Variants in AMZ1 observed in about 807,000 individuals in gnomAD.
AMZ1 encodes the protein archaelysin family metallopeptidase 1, also known as archaemetzincin-1.
AMZ1 carries 39 observed loss-of-function variants against 29.9 expected under a neutral mutation model. The observed-to-expected ratio is 1.30, with a 90% CI of 1.01 to 1.70. The LOEUF (loss-of-function observed/expected upper bound fraction) is 1.70, where lower values mean the gene tolerates loss of function less well. Among genes scored for constraint, AMZ1 ranks in the 40% most tolerant of loss-of-function variants. The pLI is 0.00. For missense variants in AMZ1, 1,041 were observed against 680.6 expected, an observed-to-expected ratio of 1.53 and a Z score of -5.89; for synonymous variants, 458 against 304.0, an observed-to-expected ratio of 1.51 and a Z score of -5.27.
chr7:2,700,021 C>G (rs1156409922), intron 1 of AMZ1, among the ~76,000 whole-genome samples: 1 of 149,496 alleles, frequency 6.7e-6, no homozygotes, highest in Non-Finnish European at 1.5e-5. Context: ...CCCATGGGAC[C>G]CAACCTGCTA....
intron 5 of AMZ1, 54 bp downstream of exon 5, chr7:2,709,298 C>T (rs931153834): frequency 2.1e-6 from 3 of 1,448,022 alleles, no homozygotes; most frequent in Non-Finnish European, 2.7e-6. Context: ...CTGTCTGAGC[C>T]CTTGGTGCCT....
chr7:2,731,860 C>G lies in AMZ1; in HGVS notation n.550+22044C>G. 1 of 585,082 alleles carries G rather than the reference C, an allele frequency of 1.7e-6. No individual in the cohort carries two copies. Among genetic ancestry groups the G allele is most frequent in the South Asian group, 3.3e-5 (1 of 29,988 alleles). The allele number at this position is 585,082 out of a possible 1,614,324, so 36.2% of individuals were successfully genotyped here. A position where few individuals can be genotyped will look rare whatever the true frequency, so the allele number is the denominator to read the frequency against. ...GAAGGAAAGAGACTGACTTTTGCAA[C>G]AGGTTGAACCAGAAACCAAAAGCAA... On this transcript the variant is annotated intron_variant and non_coding_transcript_variant, in intron 4 of 4. Coordinates refer to the AMZ1 transcript ENST00000489665. This position sits in a 1 kb window ranked among gnomAD's most constrained non-coding sequence, Gnocchi z 6.0.
At chr7:2,739,417 G>T (rs574566297) in intron 4 of AMZ1, among the ~76,000 whole-genome samples, 1 of 152,122 alleles carries the variant, frequency 6.6e-6, no homozygotes, top group African/African-American at 2.4e-5. Context: ...TACTTGGTGC[G>T]GCATTTCCGA....
At chr7:2,743,084 G>A (rs1356107953) in intron 4 of AMZ1, among the ~76,000 whole-genome samples, 2 of 152,220 alleles carry the variant, frequency 1.3e-5, no homozygotes, top group Non-Finnish European at 2.9e-5. Context: ...CTGCCAAGGG[G>A]TAAGGTGGGA....
chr7:2,724,366 T>C (rs1370985217), downstream of AMZ1, among the ~76,000 whole-genome samples: 2 of 152,218 alleles, frequency 1.3e-5, no homozygotes, highest in Admixed American at 1.3e-4. Context: ...GGGGTTACGT[T>C]CATTTGGGTG....
At chr7:2,709,275 G>T in intron 5 of AMZ1, 31 bp downstream of exon 5, 1 of 1,479,412 alleles carries the variant, frequency 6.8e-7, no homozygotes. Flanking sequence ...TGGTAAGAGG[G>T]GACAGGAGGG....
rs865785698 is a variant in AMZ1, at chr7:2,758,504, G to A, written n.551-6208G>A. On this transcript the variant is annotated intron_variant and non_coding_transcript_variant, in intron 4 of 4. Coordinates refer to the AMZ1 transcript ENST00000489665. ...TGCAATTTCTTCCCCTGCAGCGTGG[G>A]AGGAAGCTGGAGTGTGATGGAACGT... Among the ~76,000 whole-genome samples, 3 of 152,152 alleles carry A rather than the reference G, an allele frequency of 2.0e-5. 1 individual carries two copies. In the South Asian group the frequency reaches 6.2e-4, roughly 32 times the overall value.
downstream of AMZ1, among the ~76,000 whole-genome samples, chr7:2,724,099 G>GA (rs1491225367): frequency 4.6e-5 from 7 of 151,278 alleles, no homozygotes; most frequent in Non-Finnish European, 1.0e-4. Flanking sequence ...TAGAGATGGG[G>GA]AGTGGGGGGG....
chr7:2,723,063 A>G (rs2115248997), downstream of AMZ1, among the ~76,000 whole-genome samples: 1 of 152,356 alleles, frequency 6.6e-6, no homozygotes, highest in East Asian at 1.9e-4. Context: ...TCTGAAATGC[A>G]TTTGCATGGC....
At chr7:2,723,113 CTT>C (rs921442970), downstream of AMZ1, among the ~76,000 whole-genome samples, 1 of 151,170 alleles carries the variant, frequency 6.6e-6, no homozygotes, top group African/African-American at 2.4e-5. Context: ...TTATATGTGA[CTT>C]GAGTACATTT....
chr7:2,746,321 G>A (rs1001533692), intron 4 of AMZ1, among the ~76,000 whole-genome samples: 3 of 152,104 alleles, frequency 2.0e-5, no homozygotes, highest in Non-Finnish European at 2.9e-5. Flanking sequence ...ATAACAAACT[G>A]TCTCTCAGAC....
At chr7:2,681,540 C>A (rs1786884046) in intron 1 of AMZ1, among the ~76,000 whole-genome samples, 1 of 152,186 alleles carries the variant, frequency 6.6e-6, no homozygotes, top group Non-Finnish European at 1.5e-5. Context: ...GGATTACAGG[C>A]ATGAGCCACG....
In AMZ1 at chr7:2,731,534, T is replaced by C; in HGVS notation, n.550+21718T>C. The C allele has an allele frequency of 1.2e-6, 2 of 1,611,876 alleles. No homozygotes were observed. The highest frequency in any genetic ancestry group is 1.7e-6 in the Non-Finnish European group (2 of 1,178,404). ...GACTCCACCAGCCGGTTGGTGCGCC[T>C]GTCCTCCATGAGGACCTGGTCGTAC... On this transcript the variant is annotated intron_variant and non_coding_transcript_variant, in intron 4 of 4. Transcript: ENST00000489665. This position sits in a 1 kb window ranked among gnomAD's most constrained non-coding sequence, Gnocchi z 6.0.
chr7:2,726,854 C>T (rs1789641179), intron 4 of AMZ1, among the ~76,000 whole-genome samples: 2 of 152,192 alleles, frequency 1.3e-5, no homozygotes. Flanking sequence ...GGTCTCTTCG[C>T]TTTCTGGCTG....
intron 1 of AMZ1, among the ~76,000 whole-genome samples, chr7:2,698,275 T>C (rs1036644352): frequency 9.9e-5 from 15 of 152,220 alleles, no homozygotes; most frequent in Non-Finnish European, 4.4e-5. Context: ...TGGTGGCTCA[T>C]GCCTGTAATC....
chr7:2,692,057 G>A (rs1002975233), intron 1 of AMZ1, among the ~76,000 whole-genome samples: 2 of 152,214 alleles, frequency 1.3e-5, no homozygotes, highest in Admixed American at 6.5e-5. Context: ...GTCTGGGAGC[G>A]AGAAGCCGGT....
Position 2,714,279 on chromosome 7 carries a change from GA to G in AMZ1, c.*1406del. 1 of 152,432 alleles carries G rather than the reference GA, an allele frequency of 6.6e-6. No homozygotes were observed. Among genetic ancestry groups the G allele is most frequent in the East Asian group, 1.9e-4 (1 of 5,324 alleles). The allele number at this position is 152,432 out of a possible 1,614,324, so 9.4% of individuals were successfully genotyped here. A position where few individuals can be genotyped will look rare whatever the true frequency, so the allele number is the denominator to read the frequency against. On this transcript the variant is annotated 3_prime_UTR_variant, in exon 7 of 7. Coordinates refer to ENST00000683327, the MANE Select transcript of AMZ1 (RefSeq NM_001384743.1). Reference sequence around the variant, plus strand: ...TCACACGGTTATGGAGGGCTTCTAAGAAAAACAAAATACAAAACTAAAACTA... The same window carrying G: ...TCACACGGTTATGGAGGGCTTCTAAGAAAACAAAATACAAAACTAAAACTA...
intron 1 of AMZ1, among the ~76,000 whole-genome samples, chr7:2,690,357 C>G (rs1268464905): frequency 6.6e-6 from 1 of 152,172 alleles, no homozygotes; most frequent in Non-Finnish European, 1.5e-5. Context: ...TAGCTGGGAC[C>G]ACAGGCATGC....
Position 2,702,713 on chromosome 7 carries a change from T to A in AMZ1, c.305-9T>A. 2 of 1,522,318 alleles carry A rather than the reference T, an allele frequency of 1.3e-6. No homozygotes were observed. The highest frequency in any genetic ancestry group is 1.8e-6 in the Non-Finnish European group (2 of 1,135,136). The allele number at this position is 1,522,318 out of a possible 1,614,324, so 94.3% of individuals were successfully genotyped here. A position where few individuals can be genotyped will look rare whatever the true frequency, so the allele number is the denominator to read the frequency against. On this transcript the variant is annotated splice_polypyrimidine_tract_variant and intron_variant, in intron 2 of 6. Transcript: ENST00000683327. ...CGTCGCAGGGCTGACGGTGCTGCTC[T>A]CCCACCAGACCTGAGCGAGGAGCCG...
Sources: gnomAD v4.1 joint callset for allele counts (sites outside exome capture counted in the v4.1 genomes callset) on GRCh38, gnomAD v4.1.1 for gene constraint, Gnocchi (gnomAD v3.1) non-coding constraint, MANE v1.5 for transcripts, NCBI Gene and HGNC (gene_info 2026-07-23, HGNC 2026-07-21) for gene names.